Variants in KRT27 observed in about 807,000 individuals in gnomAD.
KRT27 encodes the protein keratin, type I cytoskeletal 27.
In KRT27, 30 loss-of-function variants were observed where a neutral mutation model predicts 45.3. That is an observed-to-expected ratio of 0.66 (90% CI 0.50 to 0.90). The LOEUF (loss-of-function observed/expected upper bound fraction) is 0.90, where lower values mean the gene tolerates loss of function less well. Among genes scored for constraint, KRT27 ranks in the 40% least tolerant of loss-of-function variants. The pLI, the probability that KRT27 is intolerant of heterozygous loss-of-function variation, is 0.00. For missense variants in KRT27, 610 were observed against 564.3 expected (o/e 1.08, Z -0.82); for synonymous variants, 204 against 223.9 (o/e 0.91, Z 0.79).
Position 40,776,847 on chromosome 17 carries a change from T to C in KRT27, c.*152A>G. 1 of 637,478 alleles carries C rather than the reference T, an allele frequency of 1.6e-6. No homozygotes were observed. The highest frequency in any genetic ancestry group is 2.5e-6 in the Non-Finnish European group (1 of 393,988). The allele number at this position is 637,478 out of a possible 1,614,324, so 39.5% of individuals were successfully genotyped here. On this transcript the variant is annotated 3_prime_UTR_variant, in exon 8 of 8. Coordinates refer to ENST00000301656, the MANE Select transcript of KRT27 (RefSeq NM_181537.4). ...AAGAACTTTTATTGAAACACCACCA[T>C]AGAGAAAAAGCCAAAGAAATGGTAC...
At position 40,782,114 on chromosome 17, in the gene KRT27, G is replaced by A. The variant is rs1567682375; in HGVS notation, c.380C>T (p.Ser127Phe). Residue 127 changes from serine to phenylalanine, a missense_variant, in exon 1 of 8, where the codon TCT becomes TTT. Ser to Phe is a radical substitution (Grantham distance 155, BLOSUM62 -2). Coordinates refer to ENST00000301656, the MANE Select transcript of KRT27 (RefSeq NM_181537.4). The stretch of plus-strand genomic sequence containing the variant: ...GTAATCATGATCAAGGCCACGGCAA[G>A]AACCAGGTCCAAATTTCTCATACCA... ...KGWYEKFGPG[S>F]CRGLDHDYSR... is the part of the protein sequence containing the mutation. 6.2e-7 allele frequency: 1 copy of A among 1,614,110 alleles called. No homozygotes were observed. Among genetic ancestry groups the A allele is most frequent in the Non-Finnish European group, 8.5e-7 (1 of 1,180,038 alleles).
At chr17:40,779,948 C>G in intron 3 of KRT27, 87 bp from the exon 4 acceptor site, 1 of 1,425,490 alleles carries the variant, frequency 7.0e-7, no homozygotes, top group Admixed American at 2.3e-5. Context: ...GATGCCTAGG[C>G]TGAAATGCAG....
At position 40,779,774 on chromosome 17, in the gene KRT27, T is replaced by TC. The variant is rs1309176112; in HGVS notation, c.771dup (p.Asn258GlufsTer6). 1 of 1,614,252 alleles carries TC rather than the reference T, an allele frequency of 6.2e-7. No homozygotes were observed. The highest frequency in any genetic ancestry group is 1.1e-5 in the South Asian group (1 of 91,082). On this transcript the variant is annotated frameshift_variant, in exon 4 of 8. Transcript: ENST00000301656. LOFTEE classifies it high-confidence loss of function. Reference sequence around the variant, plus strand: ...GCTTCGTACTCAGCTCGCATATTGTTCAGCAGAACCGTGAGGTCTACCCCG... The same window carrying TC: ...GCTTCGTACTCAGCTCGCATATTGTTCCAGCAGAACCGTGAGGTCTACCCCG...
At position 40,777,045 on chromosome 17, in the gene KRT27, T is replaced by A; in HGVS notation, c.1334A>T (p.Lys445Ile). Residue 445 changes from lysine (K) to isoleucine (I), a missense_variant, in exon 8 of 8, where the codon AAA (lysine) becomes ATA (isoleucine). By Grantham distance (102) the Lys-to-Ile change is moderately radical. Coordinates refer to ENST00000301656, the MANE Select transcript of KRT27 (RefSeq NM_181537.4). ...ATTCTTGTTGTTGACTTTGGTGGAT[T>A]TCTCTTCCACAGTGTGAACTCTGGA... ...LSSRVHTVEE[K>I]STKVNNKNEQ... 3 of 1,613,696 alleles carry A rather than the reference T, an allele frequency of 1.9e-6. No homozygotes were observed. The highest frequency in any genetic ancestry group is 2.5e-6 in the Non-Finnish European group (3 of 1,179,604).
rs1220741701 is a variant in KRT27 at position 40,779,814 on chromosome 17, C to A, written c.732G>T (p.Glu244Asp). The A allele has an allele frequency of 6.2e-7, 1 of 1,614,164 alleles. No homozygotes were observed. The highest frequency in any genetic ancestry group is 1.7e-5 in the Admixed American group (1 of 60,004). ...GGTCTACCCCGGGGGCCGCGTTCATCTCCACGTTCACGTTGCCTCCAGCCG... is the reference window on the plus strand; with the variant it reads ...GGTCTACCCCGGGGGCCGCGTTCATATCCACGTTCACGTTGCCTCCAGCCG... Reference protein sequence around the residue: ...QCAAGGNVNVEMNAAPGVDLT... With the variant: ...QCAAGGNVNVDMNAAPGVDLT... Residue 244 changes from glutamate (E) to aspartate (D), a missense_variant, in exon 4 of 8, where the codon GAG (glutamate) becomes GAT (aspartate). Transcript: ENST00000301656.
At chr17:40,777,366 AT>A in intron 6 of KRT27, 64 bp from the exon 7 acceptor site, 1 of 1,566,460 alleles carries the variant, frequency 6.4e-7, no homozygotes, top group Non-Finnish European at 8.7e-7. Flanking sequence ...AAAAATAATG[AT>A]TTAAGGTGGG....
At chr17:40,781,386 A>C (rs2143036984) in intron 1 of KRT27, 116 bp from the exon 2 acceptor site, 1 of 631,142 alleles carries the variant, frequency 1.6e-6, no homozygotes, top group Admixed American at 2.7e-5. Flanking sequence ...GTCTCTAATA[A>C]TCAGACCATT....
At chr17:40,778,621 G>A (rs1344773644) in intron 5 of KRT27, among the ~76,000 whole-genome samples, 1 of 152,062 alleles carries the variant, frequency 6.6e-6, no homozygotes, top group East Asian at 1.9e-4. Context: ...ACTCACATGT[G>A]GGCGGAAGTG....
At chr17:40,778,880 A>T (rs902453531) in intron 5 of KRT27, among the ~76,000 whole-genome samples, 2 of 151,626 alleles carry the variant, frequency 1.3e-5, no homozygotes, top group Non-Finnish European at 1.5e-5. Flanking sequence ...GTATATATTT[A>T]TGGGGTTCCA....
In KRT27 at chr17:40,782,200, G is replaced by C; in HGVS notation, c.294C>G (p.Tyr98Ter). The change falls in exon 1 of 8, where the codon TAC becomes TAG. Residue 98 changes from tyrosine (Y) to a stop codon, truncating the protein, a stop_gained. Coordinates refer to ENST00000301656, the MANE Select transcript of KRT27 (RefSeq NM_181537.4). LOFTEE classifies it high-confidence loss of function. ...MQNLNDRLAS[Y>*]LENVRALEEA... ...CCTCTAGGGCTCGAACATTCTCCAGGTAGGAGGCCAAGCGGTCGTTGAGGT... is the reference window on the plus strand; with the variant it reads ...CCTCTAGGGCTCGAACATTCTCCAGCTAGGAGGCCAAGCGGTCGTTGAGGT... 1 of 1,614,174 alleles carries C rather than the reference G, an allele frequency of 6.2e-7. No homozygotes were observed. The highest frequency in any genetic ancestry group is 8.5e-7 in the Non-Finnish European group (1 of 1,180,018).
chr17:40,781,878 C>A, intron 1 of KRT27, among the ~76,000 whole-genome samples, 172 bp downstream of exon 1: 1 of 142,614 alleles, frequency 7.0e-6, no homozygotes, highest in South Asian at 2.3e-4. Flanking sequence ...ATGGACGTGC[C>A]ATGTTCAAAT....
intron 5 of KRT27, 119 bp from the exon 6 acceptor site, chr17:40,777,851 C>A: frequency 2.0e-6 from 2 of 1,004,544 alleles, no homozygotes; most frequent in Non-Finnish European, 2.9e-6. Context: ...TATATTTACC[C>A]AAAAGATTCC....
rs139257917 is a variant in KRT27 at position 40,777,612 on chromosome 17, C to G, written c.1093G>C (p.Glu365Gln). 11 of 1,613,990 alleles carry G rather than the reference C, an allele frequency of 6.8e-6. No homozygotes were observed. Among genetic ancestry groups the G allele is most frequent in the Non-Finnish European group, 8.5e-6 (10 of 1,180,000 alleles). ...TGCTCATACTCGAGCTTCTGGCCCTCGGTCTCGGTTCTGACCTGGTGCAGC... is the reference window on the plus strand; with the variant it reads ...TGCTCATACTCGAGCTTCTGGCCCTGGGTCTCGGTTCTGACCTGGTGCAGC... ...EQLHQVRTET[E>Q]GQKLEYEQLL... is the part of the protein sequence containing the mutation. Residue 365 changes from glutamate to glutamine, a missense_variant, in exon 6 of 8, where the codon GAG (glutamate) becomes CAG (glutamine). Coordinates refer to ENST00000301656, the MANE Select transcript of KRT27 (RefSeq NM_181537.4).
In KRT27 at chr17:40,780,438, C is replaced by A. The variant is rs773039934; in HGVS notation, c.546G>T (p.Ala182=). 1 of 1,613,428 alleles carries A rather than the reference C, an allele frequency of 6.2e-7. No individual in the cohort carries two copies. Among genetic ancestry groups the A allele is most frequent in the Non-Finnish European group, 8.5e-7 (1 of 1,179,852 alleles). ...TGTCCGCCTCCACGCTCTGGTGAAG[C>A]GCTAGCTCGTTTTCAAACCTTAGAA... ...DFRLKFENEL[A]LHQSVEADIN... The change falls in exon 3 of 8, where the codon GCG becomes GCT. Residue 182 remains alanine, a synonymous_variant. Coordinates refer to ENST00000301656, the MANE Select transcript of KRT27 (RefSeq NM_181537.4).
chr17:40,778,841 C>CTT (rs56900687), intron 5 of KRT27, among the ~76,000 whole-genome samples: 38,941 of 150,530 alleles, frequency 0.26, 6,240 homozygotes, highest in East Asian at 0.64. Flanking sequence ...GATTTTTTTT[C>CTT]TTTTTTTTTA....
In KRT27 at chr17:40,782,506, C is replaced by G. The variant is rs2038324084; in HGVS notation, c.-13G>C. On this transcript the variant is annotated 5_prime_UTR_variant, in exon 1 of 8. Transcript: ENST00000301656. ...AGCGCACAGACATGGTGTCCGGAGG[C>G]TGGAGCCTTTGTTTCTGCGGTGATG... 2.0e-6 allele frequency: 3 copies of G among 1,522,300 alleles called. No individual in the cohort carries two copies. Among genetic ancestry groups the G allele is most frequent in the South Asian group, 1.3e-5 (1 of 78,182 alleles). 94.3% of individuals were successfully genotyped at this position (1,522,300 alleles called of 1,614,324 possible). A position where few individuals can be genotyped will look rare whatever the true frequency, so the allele number is the denominator to read the frequency against.
intron 5 of KRT27, among the ~76,000 whole-genome samples, chr17:40,779,033 T>C (rs2038287491): frequency 6.6e-6 from 1 of 152,168 alleles, no homozygotes; most frequent in African/African-American, 2.4e-5. Context: ...TAGAATAAAT[T>C]ATTCTTAACT....
intron 3 of KRT27, 149 bp from the exon 4 acceptor site, chr17:40,780,010 TC>T (rs2038297224): frequency 9.8e-7 from 1 of 1,016,556 alleles, no homozygotes; most frequent in Non-Finnish European, 1.4e-6. Context: ...CAAGCGATCC[TC>T]CATTCTGGGT....
chr17:40,780,951 G>A (rs1180155419), intron 2 of KRT27, among the ~76,000 whole-genome samples: 6 of 152,188 alleles, frequency 3.9e-5, no homozygotes. Flanking sequence ...GCAAGAGAAT[G>A]GGAATAGCCA....
Sources: gnomAD v4.1 joint callset for allele counts (sites outside exome capture counted in the v4.1 genomes callset) on GRCh38, gnomAD v4.1.1 for gene constraint, MANE v1.5 for transcripts, NCBI Gene and HGNC (gene_info 2026-07-23, HGNC 2026-07-21) for gene names.